UNC79: variants seen among roughly 807,000 people sequenced by gnomAD.
The protein encoded by UNC79 is protein unc-79 homolog.
Under a neutral mutation model 283.1 loss-of-function variants are expected in UNC79, and 37 were observed. The ratio of observed to expected loss-of-function variants is 0.13; its 90% confidence interval spans 0.10 to 0.17. UNC79 has a LOEUF of 0.17. UNC79 is among the 10% of genes least tolerant of loss of function. The probability of loss-of-function intolerance (pLI) is 1.00; values close to 1 mark genes in which losing one functional copy is unlikely to be tolerated. For missense variants in UNC79, 2,272 were observed against 3,211.1 expected (o/e 0.71, Z 7.07); for synonymous variants, 1,107 against 1,200.2 (o/e 0.92, Z 1.61).
At chr14:93,435,636 T>G (rs1384164178) in intron 1 of UNC79, among the ~76,000 whole-genome samples, 1 of 152,232 alleles carries the variant, frequency 6.6e-6, no homozygotes, top group Non-Finnish European at 1.5e-5. Flanking sequence ...AACCTTGTAC[T>G]TCTTTTTAGA....
chr14:93,595,573 A>T (rs1241430544), intron 23 of UNC79, among the ~76,000 whole-genome samples: 2 of 151,798 alleles, frequency 1.3e-5, no homozygotes, highest in African/African-American at 4.8e-5. Flanking sequence ...GCCTCCCTTC[A>T]TCCACGCGGG....
intron 1 of UNC79, among the ~76,000 whole-genome samples, chr14:93,341,421 T>C (rs1219129806): frequency 6.6e-6 from 1 of 151,802 alleles, no homozygotes; most frequent in African/African-American, 2.4e-5. Flanking sequence ...CGCACCACTG[T>C]ACTCCAGCCT....
intron 1 of UNC79, among the ~76,000 whole-genome samples, chr14:93,368,851 A>C (rs2054387604): frequency 2.0e-5 from 3 of 152,204 alleles, no homozygotes; most frequent in Admixed American, 2.0e-4. Context: ...AATATTGTAA[A>C]CAAGTGAACC....
intron 1 of UNC79, among the ~76,000 whole-genome samples, chr14:93,440,817 A>G (rs2056273788): frequency 6.6e-6 from 1 of 152,108 alleles, no homozygotes; most frequent in Non-Finnish European, 1.5e-5. Context: ...TCTATTCTGT[A>G]GCACATTGAG....
intron 29 of UNC79, among the ~76,000 whole-genome samples, chr14:93,619,274 A>C (rs1271938500): frequency 1.3e-5 from 2 of 152,334 alleles, no homozygotes; most frequent in Admixed American, 1.3e-4. Context: ...TTTAGGGTTT[A>C]GTCTCTGGCA....
intron 3 of UNC79, among the ~76,000 whole-genome samples, chr14:93,476,648 C>T (rs2140346422): frequency 6.6e-6 from 1 of 152,248 alleles, no homozygotes; most frequent in East Asian, 1.9e-4. Context: ...TAGTACTTTT[C>T]TGTTATAATG....
chr14:93,357,676 C>CAT (rs60284787), intron 1 of UNC79, among the ~76,000 whole-genome samples: 733 of 32,262 alleles, frequency 0.023, 11 homozygotes, highest in Non-Finnish European at 0.029. Context: ...AATAAACTCC[C>CAT]ATATATATAT....
At position 93,637,206 on chromosome 14, in the gene UNC79, T is replaced by C. The variant is rs192772259; in HGVS notation, c.5717-10T>C. 6.3e-5 allele frequency: 69 copies of C among 1,088,550 alleles called. No individual in the cohort carries two copies. In the East Asian group the frequency reaches 1.6e-3, roughly 26 times the overall value. The allele number at this position is 1,088,550 out of a possible 1,614,324, so 67.4% of individuals were successfully genotyped here. On this transcript the variant is annotated splice_polypyrimidine_tract_variant and intron_variant, in intron 31 of 48. Coordinates refer to ENST00000555664, the Ensembl canonical transcript of UNC79. ...CACATCAAAGACTGAAACCCTCTAT[T>C]TATCCACAGAACAGATACAGCCTGG...
At chr14:93,359,096 A>C (rs763560990) in intron 1 of UNC79, among the ~76,000 whole-genome samples, 1 of 152,238 alleles carries the variant, frequency 6.6e-6, no homozygotes, top group Non-Finnish European at 1.5e-5. Context: ...ATTTGGGCCA[A>C]TAAATAGGGT....
intron 1 of UNC79, among the ~76,000 whole-genome samples, chr14:93,458,515 A>G (rs1253780344): frequency 6.6e-6 from 1 of 152,204 alleles, no homozygotes; most frequent in Non-Finnish European, 1.5e-5. Context: ...GAAAAAAATG[A>G]GTACTGCAAA....
intron 1 of UNC79, among the ~76,000 whole-genome samples, chr14:93,349,587 C>T (rs2053942095): frequency 6.6e-6 from 1 of 152,178 alleles, no homozygotes; most frequent in African/African-American, 2.4e-5. Context: ...GCTGATCTCT[C>T]CTCTACATTC....
intron 12 of UNC79, 130 bp downstream of exon 12, chr14:93,538,348 T>A: frequency 1.1e-6 from 1 of 913,218 alleles, no homozygotes; most frequent in Non-Finnish European, 1.6e-6. Context: ...CTTCCCACAG[T>A]GTTGTAATGA....
At chr14:93,489,536 G>A (rs377296818) in intron 5 of UNC79, among the ~76,000 whole-genome samples, 1 of 152,126 alleles carries the variant, frequency 6.6e-6, no homozygotes, top group African/African-American at 2.4e-5. Flanking sequence ...AGGGAGAAAT[G>A]GGAAAGAAAA....
exon 2 of UNC79, chr14:93,467,791 G>T: frequency 6.7e-7 from 1 of 1,500,650 alleles, no homozygotes; most frequent in South Asian, 1.3e-5. Flanking sequence ...ACCTTGTTAA[G>T]GTAAGCTTTA....
Position 93,617,022 on chromosome 14 carries a change from G to T in UNC79, c.4042-100G>T. The T allele has an allele frequency of 9.4e-7, 1 of 1,063,766 alleles. No individual in the cohort carries two copies. Among genetic ancestry groups the T allele is most frequent in the Non-Finnish European group, 1.3e-6 (1 of 750,940 alleles). The allele number at this position is 1,063,766 out of a possible 1,614,324, so 65.9% of individuals were successfully genotyped here. ...GGGATGCCTGTTAAATATTTTGCCT[G>T]TTAAAAATTTTAACCACTGGGATGG... On this transcript the variant is annotated intron_variant, in intron 27 of 48. Coordinates refer to ENST00000555664, the Ensembl canonical transcript of UNC79. This position sits in a 1 kb window ranked among gnomAD's most constrained non-coding sequence, Gnocchi z 4.5.
rs79872677 is a variant in UNC79, at chr14:93,383,299, G to T, written c.-351+49776G>T. On this transcript the variant is annotated intron_variant, in intron 1 of 49. Transcript: ENST00000256339. ...AAGATGGGGAGAAGTGGGAGCTGGG[G>T]TTGTTGAAGAAAATGGTTATGGGTG... Among the ~76,000 whole-genome samples, 436 of 152,280 alleles carry T rather than the reference G, an allele frequency of 2.9e-3. 11 individuals are homozygous for T. In the East Asian group the frequency reaches 0.067, roughly 23 times the overall value.
chr14:93,577,947 C>T (rs781756182), exon 18 of UNC79: 38 of 1,614,080 alleles, frequency 2.4e-5, no homozygotes, highest in East Asian at 4.5e-5. Flanking sequence ...TAGTCCGTTT[C>T]GTAGCCCTTT....
intron 14 of UNC79, among the ~76,000 whole-genome samples, chr14:93,559,408 G>A (rs2062402405): frequency 6.6e-6 from 1 of 152,210 alleles, no homozygotes; most frequent in African/African-American, 2.4e-5. Context: ...ACGTCTGTGT[G>A]AAAAGACCAC....
At chr14:93,508,995 G>C (rs73345858) in intron 7 of UNC79, among the ~76,000 whole-genome samples, 1 of 152,140 alleles carries the variant, frequency 6.6e-6, no homozygotes, top group Non-Finnish European at 1.5e-5. Flanking sequence ...AAGAAAAGAG[G>C]CTTAATTGGC....
Sources: gnomAD v4.1 joint callset for allele counts (sites outside exome capture counted in the v4.1 genomes callset) on GRCh38, gnomAD v4.1.1 for gene constraint, Gnocchi (gnomAD v3.1) non-coding constraint, MANE v1.5 for transcripts, NCBI Gene and HGNC (gene_info 2026-07-23, HGNC 2026-07-21) for gene names.